Variants in EPB41L4B observed in about 807,000 individuals in gnomAD.
EPB41L4B encodes band 4.1-like protein 4B.
Under a neutral mutation model 112.5 loss-of-function variants are expected in EPB41L4B, and 30 were observed. The observed-to-expected ratio is 0.27, with a 90% CI of 0.20 to 0.36. The LOEUF (loss-of-function observed/expected upper bound fraction) is 0.36. Among genes scored for constraint, EPB41L4B ranks in the 10% least tolerant of loss-of-function variants. The pLI, the probability that EPB41L4B is intolerant of heterozygous loss-of-function variation, is 1.00. For synonymous variants in EPB41L4B, 408 were observed against 439.7 expected (o/e 0.93, Z 0.90); for missense variants, 1,024 against 1,133.3 (o/e 0.90, Z 1.38).
In EPB41L4B at chr9:109,194,208, A is replaced by C. The variant is rs1564256375; in HGVS notation, c.2223+12T>G. The C allele has an allele frequency of 3.1e-6, 5 of 1,605,590 alleles. No homozygotes were observed. In the East Asian group the frequency reaches 1.1e-4, roughly 36 times the overall value. On this transcript the variant is annotated intron_variant, in intron 21 of 25. Coordinates refer to ENST00000374566, the MANE Select transcript of EPB41L4B (RefSeq NM_019114.5). ...GTGTGGCTGCTCGCCAGGGCTTTCC[A>C]CCCCCCAATACCTTGGCCCCAGGGG...
At chr9:109,280,816 A>G (rs76089043) in intron 1 of EPB41L4B, among the ~76,000 whole-genome samples, 2 of 151,918 alleles carry the variant, frequency 1.3e-5, no homozygotes, top group African/African-American at 2.4e-5. Context: ...AAAAAAAAAA[A>G]CCCAACTCCA....
At chr9:109,231,867 G>A (rs1195532336) in intron 15 of EPB41L4B, among the ~76,000 whole-genome samples, 1 of 151,942 alleles carries the variant, frequency 6.6e-6, no homozygotes, top group Non-Finnish European at 1.5e-5. Context: ...TATTTCATGA[G>A]TTGATTTTTG....
At chr9:109,194,435 CAATAATAAACAG>C in intron 20 of EPB41L4B, 38 bp from the exon 21 acceptor site, 1 of 1,599,076 alleles carries the variant, frequency 6.3e-7, no homozygotes, top group Non-Finnish European at 8.5e-7. Context: ...CTGCTCATTA[CAATAATAAACAG>C]GCTGTGAGGA....
intron 2 of EPB41L4B, among the ~76,000 whole-genome samples, chr9:109,272,963 G>A (rs1261681824): frequency 6.6e-6 from 1 of 152,106 alleles, no homozygotes; most frequent in Non-Finnish European, 1.5e-5. Context: ...CCCTGTCAGC[G>A]TCAGCATCCA....
chr9:109,174,481 G>A lies in EPB41L4B; in HGVS notation c.*73C>T, dbSNP rs575363931. 3 of 1,373,682 alleles carry A rather than the reference G, an allele frequency of 2.2e-6. No individual in the cohort carries two copies. Among genetic ancestry groups the A allele is most frequent in the South Asian group, 1.2e-5 (1 of 85,832 alleles). The allele number at this position is 1,373,682 out of a possible 1,614,324, so 85.1% of individuals were successfully genotyped here. ...ACACACTTGTATGCTGTGCTAGAGT[G>A]AGCACACAAAGCCCGAAGAAAGAAG... On this transcript the variant is annotated 3_prime_UTR_variant, in exon 26 of 26. Coordinates refer to ENST00000374566, the MANE Select transcript of EPB41L4B (RefSeq NM_019114.5).
intron 17 of EPB41L4B, among the ~76,000 whole-genome samples, chr9:109,208,778 T>C (rs1463485867): frequency 1.3e-5 from 2 of 152,206 alleles, no homozygotes. Context: ...TACTCATCCA[T>C]GTGTACAACC....
chr9:109,198,411 T>C (rs1832715900), intron 20 of EPB41L4B, among the ~76,000 whole-genome samples: 1 of 152,152 alleles, frequency 6.6e-6, no homozygotes, highest in Non-Finnish European at 1.5e-5. Flanking sequence ...TATTATCTCA[T>C]CCATTTTACA....
Position 109,200,324 on chromosome 9 carries a change from G to A in EPB41L4B, c.1957C>T (p.Pro653Ser), listed in dbSNP as rs369224827. 1 of 1,613,874 alleles carries A rather than the reference G, an allele frequency of 6.2e-7. No homozygotes were observed. Among genetic ancestry groups the A allele is most frequent in the African/African-American group, 1.3e-5 (1 of 74,978 alleles). Residue 653 changes from proline to serine, a missense_variant, in exon 20 of 26, where the codon CCT (proline) becomes TCT (serine). Coordinates refer to ENST00000374566, the MANE Select transcript of EPB41L4B (RefSeq NM_019114.5). ...LQDASVRSPIPIRVETAQPAV... is the reference protein window; with the variant it reads ...LQDASVRSPISIRVETAQPAV... ...GGCTGGGCAGTTTCCACACGAATAG[G>A]AATAGGACTTCTAGAGACACACCGA...
chr9:109,207,874 C>T (rs370409018), intron 18 of EPB41L4B, 50 bp downstream of exon 18: 149 of 1,609,026 alleles, frequency 9.3e-5, no homozygotes, highest in Non-Finnish European at 1.1e-4. Context: ...TCTGTGGCAT[C>T]GAGGAAATCC....
At position 109,308,645 on chromosome 9, in the gene EPB41L4B, G is replaced by A. The variant is rs575988795; in HGVS notation, c.306+11496C>T. ...TTGTGATGTTGCCCAGGCTGGCCTCGGATTCCTGGACTCAAGTGATCCTCC... is the reference window on the plus strand; with the variant it reads ...TTGTGATGTTGCCCAGGCTGGCCTCAGATTCCTGGACTCAAGTGATCCTCC... On this transcript the variant is annotated intron_variant, in intron 1 of 25. Coordinates refer to ENST00000374566, the MANE Select transcript of EPB41L4B (RefSeq NM_019114.5). Among the ~76,000 whole-genome samples, 33 of 152,240 alleles carry A rather than the reference G, an allele frequency of 2.2e-4. No homozygotes were observed. In the South Asian group the frequency reaches 6.2e-3, roughly 29 times the overall value.
intron 15 of EPB41L4B, among the ~76,000 whole-genome samples, chr9:109,229,245 C>T (rs1833877675): frequency 6.6e-6 from 1 of 152,146 alleles, no homozygotes; most frequent in South Asian, 2.1e-4. Flanking sequence ...ACAGAATTTA[C>T]AACAGTAATA....
intron 23 of EPB41L4B, among the ~76,000 whole-genome samples, chr9:109,184,009 T>A (rs903669879): frequency 6.6e-6 from 1 of 152,258 alleles, no homozygotes; most frequent in Non-Finnish European, 1.5e-5. Flanking sequence ...CCAAATTTCT[T>A]TGGTCTCTTT....
chr9:109,315,259 G>C (rs1201081732), intron 1 of EPB41L4B, among the ~76,000 whole-genome samples: 7 of 151,968 alleles, frequency 4.6e-5, no homozygotes, highest in African/African-American at 1.7e-4. Context: ...CTAGGGCCAG[G>C]GTTTTTCACT....
At chr9:109,196,919 G>C (rs1832661803) in intron 20 of EPB41L4B, among the ~76,000 whole-genome samples, 1 of 152,100 alleles carries the variant, frequency 6.6e-6, no homozygotes, top group Admixed American at 6.5e-5. Flanking sequence ...ATGTTACAAT[G>C]CTTTTGGTGG....
intron 1 of EPB41L4B, among the ~76,000 whole-genome samples, chr9:109,315,549 A>G (rs1157897381): frequency 6.6e-6 from 1 of 152,012 alleles, no homozygotes; most frequent in Non-Finnish European, 1.5e-5. Context: ...TGCTGACCCT[A>G]CGCTTGACAC....
chr9:109,256,517 C>A, intron 7 of EPB41L4B, 37 bp from the exon 8 acceptor site: 1 of 1,577,520 alleles, frequency 6.3e-7, no homozygotes, highest in Non-Finnish European at 8.7e-7. Context: ...TAAACTGCGA[C>A]TCGTAAGCCC....
chr9:109,196,336 C>T (rs998518001), intron 20 of EPB41L4B: 6 of 151,986 alleles, frequency 3.9e-5, no homozygotes, highest in African/African-American at 1.5e-4. Flanking sequence ...GACTTTTACA[C>T]TATGTTTAAA....
intron 15 of EPB41L4B, chr9:109,241,916 C>A (rs1834366904): frequency 9.1e-7 from 1 of 1,098,678 alleles, no homozygotes; most frequent in South Asian, 1.4e-5. Flanking sequence ...GAACCATGAG[C>A]CATGTGAATG....
chr9:109,231,486 T>C (rs1294072943), intron 15 of EPB41L4B, among the ~76,000 whole-genome samples: 1 of 152,228 alleles, frequency 6.6e-6, no homozygotes, highest in Non-Finnish European at 1.5e-5. Flanking sequence ...TTATCAAATA[T>C]CTATTCATAA....
Sources: gnomAD v4.1 joint callset for allele counts (sites outside exome capture counted in the v4.1 genomes callset) on GRCh38, gnomAD v4.1.1 for gene constraint, MANE v1.5 for transcripts, NCBI Gene and HGNC (gene_info 2026-07-23, HGNC 2026-07-21) for gene names.